CDH13: variants seen among roughly 807,000 people sequenced by gnomAD.
CDH13 encodes the protein cadherin 13, also known as cadherin-13.
Under a neutral mutation model 63.8 loss-of-function variants are expected in CDH13, and 24 were observed. The observed-to-expected ratio is 0.38, with a 90% confidence interval of 0.27 to 0.53. CDH13 has a LOEUF of 0.53. CDH13 is among the 20% of genes least tolerant of loss of function. CDH13 has a pLI of 0.85. For synonymous variants in CDH13, 503 were observed against 355.3 expected (o/e 1.42, Z -4.67); for missense variants, 1,049 against 903.1 (o/e 1.16, Z -2.07).
At chr16:83,376,471 G>A (rs2091461443) in intron 6 of CDH13, among the ~76,000 whole-genome samples, 2 of 152,150 alleles carry the variant, frequency 1.3e-5, no homozygotes, top group African/African-American at 2.4e-5. Context: ...TAAATAGATA[G>A]CTAGTATGCA....
intron 2 of CDH13, among the ~76,000 whole-genome samples, chr16:82,860,985 C>T (rs2039921867): frequency 6.6e-6 from 1 of 152,180 alleles, no homozygotes; most frequent in African/African-American, 2.4e-5. Flanking sequence ...AACCTTCTGT[C>T]TCTGAAAAAC....
intron 10 of CDH13, among the ~76,000 whole-genome samples, chr16:83,720,885 G>A (rs1909604803): frequency 6.6e-6 from 1 of 152,200 alleles, no homozygotes; most frequent in African/African-American, 2.4e-5. Flanking sequence ...CCTTTATGGA[G>A]TGGGTTATAA....
chr16:83,463,702 G>A (rs1053721114), intron 6 of CDH13, among the ~76,000 whole-genome samples: 2 of 152,158 alleles, frequency 1.3e-5, no homozygotes, highest in African/African-American at 4.8e-5. Context: ...ACTTGGGAGG[G>A]GCTGAGGTGG....
At chr16:82,895,950 C>T (rs549052710) in intron 2 of CDH13, among the ~76,000 whole-genome samples, 21 of 152,260 alleles carry the variant, frequency 1.4e-4, no homozygotes, top group Admixed American at 2.6e-4. Context: ...TCAAAGCCTT[C>T]GCAGGCATTA....
chr16:82,815,417 G>A (rs901170754), intron 1 of CDH13, among the ~76,000 whole-genome samples: 21 of 152,152 alleles, frequency 1.4e-4, no homozygotes, highest in African/African-American at 4.8e-4. Context: ...CGAGCTGGTG[G>A]TGTTGCGATT....
chr16:83,759,384 A>G (rs747378963), intron 11 of CDH13, among the ~76,000 whole-genome samples: 21 of 152,334 alleles, frequency 1.4e-4, no homozygotes, highest in South Asian at 4.1e-4. Context: ...AACCATATAC[A>G]ATAATTAATT....
chr16:82,655,642 G>GGAA (rs1911211680), intron 1 of CDH13, among the ~76,000 whole-genome samples: 1 of 152,102 alleles, frequency 6.6e-6, no homozygotes, highest in African/African-American at 2.4e-5. Flanking sequence ...GTGCAGCAGA[G>GGAA]GAAGCCAAAG....
At chr16:83,209,643 C>T (rs947268494) in intron 4 of CDH13, among the ~76,000 whole-genome samples, 2 of 152,018 alleles carry the variant, frequency 1.3e-5, no homozygotes, top group African/African-American at 4.8e-5. Context: ...GAGTGTTAAT[C>T]AAGTGTCTTC....
At chr16:83,265,957 G>A (rs1323268655) in intron 5 of CDH13, among the ~76,000 whole-genome samples, 6 of 151,844 alleles carry the variant, frequency 4.0e-5, no homozygotes. Flanking sequence ...CTGTTTTTTA[G>A]ATGGATTCTC....
intron 2 of CDH13, among the ~76,000 whole-genome samples, chr16:82,895,733 C>A (rs1429540939): frequency 6.6e-6 from 1 of 150,698 alleles, no homozygotes; most frequent in Non-Finnish European, 1.5e-5. Flanking sequence ...TGGTTTTGTC[C>A]ATTATAAACT....
intron 6 of CDH13, among the ~76,000 whole-genome samples, chr16:83,436,199 T>A (rs1304073862): frequency 1.3e-5 from 2 of 152,186 alleles, no homozygotes; most frequent in Non-Finnish European, 2.9e-5. Context: ...ATAAAAACTA[T>A]AGGGAACAAT....
chr16:82,649,544 C>G (rs980183918), intron 1 of CDH13, among the ~76,000 whole-genome samples: 18 of 152,244 alleles, frequency 1.2e-4, no homozygotes, highest in African/African-American at 3.9e-4. Context: ...GGAAAGTGGG[C>G]TTAAGCAGCA....
At chr16:83,368,771 C>A (rs887202441) in intron 6 of CDH13, among the ~76,000 whole-genome samples, 1 of 150,718 alleles carries the variant, frequency 6.6e-6, no homozygotes, top group Admixed American at 6.6e-5. Context: ...ATATGACATT[C>A]GATTTTCCAT....
At chr16:82,844,619 G>C (rs1303876587) in intron 1 of CDH13, 1 of 133,116 alleles carries the variant, frequency 7.5e-6, no homozygotes. Context: ...AAAAAAAAAA[G>C]AACTATAAGG....
At chr16:83,060,191 T>C (rs1480522104) in intron 3 of CDH13, among the ~76,000 whole-genome samples, 1 of 152,154 alleles carries the variant, frequency 6.6e-6, no homozygotes, top group Non-Finnish European at 1.5e-5. Flanking sequence ...CTTTGATTGA[T>C]AAACAATATA....
intron 2 of CDH13, among the ~76,000 whole-genome samples, chr16:82,968,381 G>A (rs1047589975): frequency 6.6e-6 from 1 of 152,162 alleles, no homozygotes; most frequent in Non-Finnish European, 1.5e-5. Context: ...TCCAGTTACT[G>A]TCTGTTTTTG....
rs1223705865 is a variant in CDH13, at chr16:83,047,363, G to A, written c.366+15145G>A. On this transcript the variant is annotated intron_variant, in intron 3 of 13. Coordinates refer to ENST00000567109, the MANE Select transcript of CDH13 (RefSeq NM_001257.5). This position sits in a 1 kb window ranked among gnomAD's most constrained non-coding sequence, Gnocchi z 4.9. Reference sequence around the variant, plus strand: ...AACCGTGGTTAACACAGATAATTGAGACTTGAGTGCTTTTTTATTCCAAGT... The same window carrying A: ...AACCGTGGTTAACACAGATAATTGAAACTTGAGTGCTTTTTTATTCCAAGT... Among the ~76,000 whole-genome samples the A allele has an allele frequency of 6.6e-6, 1 of 152,172 alleles. No homozygotes were observed. The highest frequency in any genetic ancestry group is 1.5e-5 in the Non-Finnish European group (1 of 68,038).
At chr16:83,568,623 G>A (rs62040170) in intron 7 of CDH13, among the ~76,000 whole-genome samples, 1 of 152,066 alleles carries the variant, frequency 6.6e-6, no homozygotes, top group South Asian at 2.1e-4. Flanking sequence ...TCAACTAAGG[G>A]CACCAACAAT....
chr16:83,273,571 C>G (rs2088891877), intron 5 of CDH13, among the ~76,000 whole-genome samples: 1 of 152,106 alleles, frequency 6.6e-6, no homozygotes, highest in Non-Finnish European at 1.5e-5. Context: ...TCCTTCATGG[C>G]AACATGGATG....
Sources: gnomAD v4.1 joint callset for allele counts (sites outside exome capture counted in the v4.1 genomes callset) on GRCh38, gnomAD v4.1.1 for gene constraint, Gnocchi (gnomAD v3.1) non-coding constraint, MANE v1.5 for transcripts, NCBI Gene and HGNC (gene_info 2026-07-23, HGNC 2026-07-21) for gene names.